NOL4L: variants seen among roughly 807,000 people sequenced by gnomAD.
The protein encoded by NOL4L is nucleolar protein 4-like.
Under a neutral mutation model 64.5 loss-of-function variants are expected in NOL4L, and 7 were observed. The observed-to-expected ratio is 0.11, with a 90% confidence interval of 0.06 to 0.20. NOL4L has a LOEUF of 0.20. Ranked by LOEUF, NOL4L falls within the 10% of genes least tolerant of loss-of-function variation. The pLI is 1.00. For synonymous variants in NOL4L, 413 were observed against 401.0 expected (o/e 1.03, Z -0.36); for missense variants, 680 against 967.1 (o/e 0.70, Z 3.94).
chr20:32,466,007 A>G (rs1600678068), intron 5 of NOL4L, among the ~76,000 whole-genome samples: 4 of 131,308 alleles, frequency 3.0e-5, no homozygotes, highest in African/African-American at 6.1e-5. Context: ...TTTGAGATGG[A>G]GTCACTCTGT....
At chr20:32,504,767 C>T (rs2017073112) in intron 4 of NOL4L, among the ~76,000 whole-genome samples, 1 of 152,036 alleles carries the variant, frequency 6.6e-6, no homozygotes, top group East Asian at 2.0e-4. Flanking sequence ...CCATGCCCAG[C>T]TAATTTTTGT....
chr20:32,476,411 G>A (rs575468884), intron 4 of NOL4L, among the ~76,000 whole-genome samples: 8 of 152,322 alleles, frequency 5.3e-5, no homozygotes, highest in East Asian at 3.9e-4. Flanking sequence ...CCAGCTGGTC[G>A]TGCCATGCGG....
At chr20:32,577,521 TG>T (rs1980194116) in intron 1 of NOL4L, among the ~76,000 whole-genome samples, 1 of 152,182 alleles carries the variant, frequency 6.6e-6, no homozygotes, top group Non-Finnish European at 1.5e-5. Context: ...TTCCCAGCTC[TG>T]GGGGCTCATG....
intron 1 of NOL4L, among the ~76,000 whole-genome samples, chr20:32,530,762 AAATAG>A (rs1321960071): frequency 6.6e-6 from 1 of 152,036 alleles, no homozygotes; most frequent in African/African-American, 2.4e-5. Context: ...TCTCTACTAA[AAATAG>A]AAAATTAGCT....
chr20:32,530,337 C>T (rs954360398), intron 1 of NOL4L, among the ~76,000 whole-genome samples: 2 of 151,840 alleles, frequency 1.3e-5, no homozygotes, highest in African/African-American at 4.8e-5. Flanking sequence ...GTCAGGAGAT[C>T]GAGACCATCC....
chr20:32,517,790 C>T (rs546410325), intron 3 of NOL4L, among the ~76,000 whole-genome samples: 9 of 152,202 alleles, frequency 5.9e-5, no homozygotes, highest in Non-Finnish European at 8.8e-5. Flanking sequence ...CCCAGGCACC[C>T]GCTGCGTCCC....
chr20:32,461,408 CTACCTTTCT>C (rs1303108271), intron 5 of NOL4L, among the ~76,000 whole-genome samples: 2 of 144,386 alleles, frequency 1.4e-5, no homozygotes, highest in African/African-American at 5.2e-5. Flanking sequence ...ACTGACCCCT[CTACCTTTCT>C]TTTCTTTTTT....
At chr20:32,570,784 AT>A (rs941289756) in intron 1 of NOL4L, among the ~76,000 whole-genome samples, 1 of 152,206 alleles carries the variant, frequency 6.6e-6, no homozygotes, top group Non-Finnish European at 1.5e-5. Flanking sequence ...CAAGCAGGGC[AT>A]GCTTAGCTAT....
chr20:32,525,293 A>G (rs293573), intron 2 of NOL4L, among the ~76,000 whole-genome samples: 20,716 of 152,150 alleles, frequency 0.14, 2,027 homozygotes, highest in African/African-American at 0.28. Context: ...GGGAAACCAC[A>G]TGATCCAGCT....
chr20:32,474,968 T>C, intron 4 of NOL4L: 1 of 985,156 alleles, frequency 1.0e-6, no homozygotes, highest in Non-Finnish European at 1.2e-6. Flanking sequence ...CGGCACTGTC[T>C]GTAATTGAAG....
intron 1 of NOL4L, among the ~76,000 whole-genome samples, chr20:32,581,751 A>T (rs1011261625): frequency 2.0e-5 from 3 of 151,968 alleles, no homozygotes; most frequent in African/African-American, 4.8e-5. Context: ...CCACCCGAGC[A>T]CCCCAGTGCC....
At position 32,453,803 on chromosome 20, in the gene NOL4L, G is replaced by A; in HGVS notation, c.1120-42C>T. 1 of 1,538,174 alleles carries A rather than the reference G, an allele frequency of 6.5e-7. No homozygotes were observed. The highest frequency in any genetic ancestry group is 8.8e-7 in the Non-Finnish European group (1 of 1,136,550). ...AGGCAGAGGGTTGGGCCAAGCAGCT[G>A]CTCAAGCCCTTGCTGGGTCTCCTAC... is the stretch of plus-strand genomic sequence containing the variant. On this transcript the variant is annotated intron_variant, in intron 6 of 10. Coordinates refer to ENST00000621426, the MANE Select transcript of NOL4L (RefSeq NM_001256798.2). The surrounding 1 kb of genome is among the most constrained non-coding windows in gnomAD (Gnocchi z 5.6).
chr20:32,552,089 T>C (rs1284921374), intron 1 of NOL4L, among the ~76,000 whole-genome samples: 1 of 152,160 alleles, frequency 6.6e-6, no homozygotes, highest in Non-Finnish European at 1.5e-5. Flanking sequence ...ATGCTCAGCC[T>C]GAATCATATT....
In NOL4L at chr20:32,445,025, G is replaced by C. The variant is rs1175288828; in HGVS notation, c.*2571C>G. 1 of 152,224 alleles carries C rather than the reference G, an allele frequency of 6.6e-6. No homozygotes were observed. The highest frequency in any genetic ancestry group is 1.5e-5 in the Non-Finnish European group (1 of 68,040). 9.4% of individuals were successfully genotyped at this position (152,224 alleles called of 1,614,324 possible). A position where few individuals can be genotyped will look rare whatever the true frequency, so the allele number is the denominator to read the frequency against. On this transcript the variant is annotated 3_prime_UTR_variant, in exon 11 of 11. Transcript: ENST00000621426. ...CATGCAGAAACTTGCTCCTGATTCTGCCATCTCTAGGGCTTCAGGTGTAGT... is the reference window on the plus strand; with the variant it reads ...CATGCAGAAACTTGCTCCTGATTCTCCCATCTCTAGGGCTTCAGGTGTAGT...
intron 1 of NOL4L, among the ~76,000 whole-genome samples, chr20:32,555,498 A>G (rs944387584): frequency 2.0e-5 from 3 of 151,316 alleles, no homozygotes; most frequent in Middle Eastern, 3.2e-3. Flanking sequence ...AGGTCTCACT[A>G]TGTTGCCCAG....
intron 4 of NOL4L, among the ~76,000 whole-genome samples, chr20:32,476,567 A>C (rs1297476721): frequency 2.0e-5 from 3 of 152,258 alleles, no homozygotes; most frequent in Non-Finnish European, 4.4e-5. Context: ...ACGACTTAAA[A>C]GACAGAGTAT....
At chr20:32,452,822 A>C in intron 9 of NOL4L, 62 bp downstream of exon 9, 2 of 1,602,414 alleles carry the variant, frequency 1.2e-6, no homozygotes, top group South Asian at 2.2e-5. Flanking sequence ...CCACACCCAT[A>C]TAAGGCCTGC....
At chr20:32,507,439 T>A (rs1369739543) in intron 4 of NOL4L, among the ~76,000 whole-genome samples, 1 of 152,142 alleles carries the variant, frequency 6.6e-6, no homozygotes, top group East Asian at 1.9e-4. Context: ...TTTCTGTGAA[T>A]CTTGTTATTG....
intron 1 of NOL4L, among the ~76,000 whole-genome samples, chr20:32,536,621 C>A (rs1212554184): frequency 6.7e-6 from 1 of 149,088 alleles, no homozygotes; most frequent in Non-Finnish European, 1.5e-5. Context: ...GGGCTCCTCG[C>A]GGGCAGGCAG....
Sources: allele counts gnomAD v4.1 joint callset (sites outside exome capture counted in the v4.1 genomes callset), GRCh38; gene constraint gnomAD v4.1.1; non-coding constraint Gnocchi (gnomAD v3.1); transcripts MANE v1.5; gene names NCBI Gene and HGNC (gene_info 2026-07-23, HGNC 2026-07-21).